MAP2: variants seen among roughly 807,000 people sequenced by gnomAD.
The protein encoded by MAP2 is microtubule-associated protein 2.
MAP2 carries 14 observed loss-of-function variants against 137.6 expected under a neutral mutation model. The ratio of observed to expected loss-of-function variants is 0.10; its 90% CI spans 0.07 to 0.16. The LOEUF (loss-of-function observed/expected upper bound fraction) is 0.16. MAP2 is among the 10% of genes least tolerant of loss of function. The pLI, the probability that MAP2 is intolerant of heterozygous loss-of-function variation, is 1.00. For synonymous variants in MAP2, 786 were observed against 782.3 expected, an observed-to-expected ratio of 1.00 and a Z score of -0.08; for missense variants, 2,088 against 2,191.5, an observed-to-expected ratio of 0.95 and a Z score of 0.94.
chr2:209,430,429 G>A (rs946968130), intron 1 of MAP2, among the ~76,000 whole-genome samples: 2 of 151,768 alleles, frequency 1.3e-5, no homozygotes, highest in African/African-American at 4.8e-5. Flanking sequence ...TTATATATTT[G>A]CTTTTTTCAT....
At chr2:209,696,854 C>T (rs1163634458) in intron 9 of MAP2, 63 bp from the exon 10 acceptor site, 50 of 1,552,672 alleles carry the variant, frequency 3.2e-5, no homozygotes, top group South Asian at 1.1e-4. Flanking sequence ...AAATTTCGTT[C>T]GGTTTTGCTC....
chr2:209,722,665 G>A (rs889514516), intron 13 of MAP2, among the ~76,000 whole-genome samples: 1 of 152,146 alleles, frequency 6.6e-6, no homozygotes, highest in Non-Finnish European at 1.5e-5. Flanking sequence ...AAGATGCAAG[G>A]TTCAAAAGAC....
At position 209,435,390 on chromosome 2, in the gene MAP2, A is replaced by G. The variant is rs140377442; in HGVS notation, c.-222+11114A>G. ...GCATGAGTGTGTGTAGGTTTGGAAA[A>G]GCACCTAGATAGGACAATAGCAATA... On this transcript the variant is annotated intron_variant, in intron 1 of 15. Transcript: ENST00000682079. Among the ~76,000 whole-genome samples, 19 of 151,952 alleles carry G rather than the reference A, an allele frequency of 1.3e-4. 1 individual carries two copies. In the East Asian group the frequency reaches 3.3e-3, roughly 26 times the overall value.
intron 3 of MAP2, among the ~76,000 whole-genome samples, chr2:209,617,346 A>C (rs1472839156): frequency 6.6e-6 from 1 of 152,126 alleles, no homozygotes; most frequent in Non-Finnish European, 1.5e-5. Context: ...AGAGGCATCA[A>C]GTGTAGGTTG....
At chr2:209,505,074 T>C (rs986269544) in intron 1 of MAP2, among the ~76,000 whole-genome samples, 7 of 152,166 alleles carry the variant, frequency 4.6e-5, no homozygotes, top group African/African-American at 1.7e-4. Context: ...CTAGTATTTT[T>C]ATTTTAAATT....
chr2:209,700,311 A>T lies in MAP2; in HGVS notation c.4557A>T (p.Val1519=). 1 of 1,613,676 alleles carries T rather than the reference A, an allele frequency of 6.2e-7. No homozygotes were observed. The highest frequency in any genetic ancestry group is 1.1e-5 in the South Asian group (1 of 91,020). The change falls in exon 11 of 16, where the codon GTA becomes GTT. Residue 1519 remains valine (V), a synonymous_variant. Transcript: ENST00000682079. ...AGGESALAPS[V]FKQAKDKVSD... ...GGGAATCAGCTCTGGCTCCCAGTGTATTTAAACAGGCAAAGGACAAAGTCT... is the reference window on the plus strand; with the variant it reads ...GGGAATCAGCTCTGGCTCCCAGTGTTTTTAAACAGGCAAAGGACAAAGTCT...
At chr2:209,680,709 AT>A (rs1284229250) in intron 6 of MAP2, 40 bp from the exon 7 acceptor site, 1 of 1,535,480 alleles carries the variant, frequency 6.5e-7, no homozygotes. Context: ...GCCTAAAAGG[AT>A]TAATTATTGC....
At chr2:209,666,149 A>C (rs971076245) in intron 5 of MAP2, among the ~76,000 whole-genome samples, 2 of 152,114 alleles carry the variant, frequency 1.3e-5, no homozygotes, top group Admixed American at 6.6e-5. Flanking sequence ...TAAAGCATTA[A>C]AAAAATTGGA....
intron 7 of MAP2, among the ~76,000 whole-genome samples, chr2:209,691,150 C>T (rs981552546): frequency 2.6e-5 from 4 of 151,272 alleles, no homozygotes; most frequent in African/African-American, 7.3e-5. Flanking sequence ...CGCCCCCCCT[C>T]ATCTCAAATG....
Position 209,585,970 on chromosome 2 carries a change from T to A in MAP2, c.-107+5870T>A, listed in dbSNP as rs111954311. Among the ~76,000 whole-genome samples, 1,401 of 152,254 alleles carry A rather than the reference T, an allele frequency of 9.2e-3. 23 individuals are homozygous for A. The highest frequency in any genetic ancestry group is 0.031 in the African/African-American group (1,297 of 41,546). On this transcript the variant is annotated intron_variant, in intron 3 of 15. Transcript: ENST00000682079. The stretch of plus-strand genomic sequence containing the variant: ...GATGTCGATTCTATTATACCCACTT[T>A]ACTAATGAAGGTACACAGACTCAGA...
chr2:209,697,309 G>A (rs572832848), intron 10 of MAP2, among the ~76,000 whole-genome samples: 31 of 152,030 alleles, frequency 2.0e-4, no homozygotes, highest in Non-Finnish European at 3.5e-4. Context: ...CTAGTGTCAC[G>A]TTCTGGGGAT....
At chr2:209,608,980 T>C (rs1212660784) in intron 3 of MAP2, among the ~76,000 whole-genome samples, 2 of 152,110 alleles carry the variant, frequency 1.3e-5, no homozygotes, top group South Asian at 4.1e-4. Flanking sequence ...GAATGTAATA[T>C]ATTCTCTGAT....
At chr2:209,569,629 A>G (rs2074062358) in intron 2 of MAP2, among the ~76,000 whole-genome samples, 1 of 151,828 alleles carries the variant, frequency 6.6e-6, no homozygotes, top group Non-Finnish European at 1.5e-5. Context: ...CTGAGGGAAA[A>G]CTTCATGGAA....
chr2:209,511,654 C>G (rs755661682), intron 2 of MAP2, among the ~76,000 whole-genome samples: 10 of 152,054 alleles, frequency 6.6e-5, no homozygotes, highest in Non-Finnish European at 1.3e-4. Flanking sequence ...TCACTGCAGC[C>G]TCAACCCTTG....
chr2:209,541,217 AT>A (rs2066972165), intron 2 of MAP2, among the ~76,000 whole-genome samples: 1 of 150,994 alleles, frequency 6.6e-6, no homozygotes, highest in African/African-American at 2.5e-5. Context: ...TTTTGTAGAG[AT>A]GGGGTTTCAC....
chr2:209,479,525 A>G (rs1366575417), intron 1 of MAP2, among the ~76,000 whole-genome samples: 1 of 152,158 alleles, frequency 6.6e-6, no homozygotes, highest in East Asian at 1.9e-4. Flanking sequence ...GAAATTCACA[A>G]TAACATGGTA....
chr2:209,686,652 A>G (rs1290522149), intron 7 of MAP2, among the ~76,000 whole-genome samples: 2 of 152,222 alleles, frequency 1.3e-5, no homozygotes, highest in East Asian at 3.9e-4. Flanking sequence ...ACTGAGTTAT[A>G]CGAGAATCCA....
chr2:209,644,693 A>G (rs1361763628), intron 4 of MAP2, among the ~76,000 whole-genome samples: 2 of 148,984 alleles, frequency 1.3e-5, no homozygotes, highest in African/African-American at 5.0e-5. Flanking sequence ...AAAAAAAAAG[A>G]CAATGAAAAT....
intron 13 of MAP2, among the ~76,000 whole-genome samples, chr2:209,711,578 T>A (rs2065484947): frequency 6.6e-6 from 1 of 152,170 alleles, no homozygotes; most frequent in African/African-American, 2.4e-5. Flanking sequence ...AAGAAACATT[T>A]TTAAGCAAAA....
Sources: gnomAD v4.1 joint callset for allele counts (sites outside exome capture counted in the v4.1 genomes callset) on GRCh38, gnomAD v4.1.1 for gene constraint, MANE v1.5 for transcripts, NCBI Gene and HGNC (gene_info 2026-07-23, HGNC 2026-07-21) for gene names.